Variants in ZFP64 observed in about 807,000 individuals in gnomAD.
ZFP64 encodes zinc finger protein 64.
Under a neutral mutation model 51.6 loss-of-function variants are expected in ZFP64, and 14 were observed. The observed-to-expected ratio is 0.27, with a 90% CI of 0.18 to 0.42. The LOEUF is 0.42. Among genes scored for constraint, ZFP64 ranks in the 10% least tolerant of loss-of-function variants. ZFP64 has a pLI of 1.00. For synonymous variants in ZFP64, 375 were observed against 361.4 expected, an observed-to-expected ratio of 1.04 and a Z score of -0.43; for missense variants, 754 against 906.8, an observed-to-expected ratio of 0.83 and a Z score of 2.16.
At chr20:52,097,117 A>G (rs777670551) in intron 7 of ZFP64, 1 of 758,294 alleles carries the variant, frequency 1.3e-6, no homozygotes, top group Admixed American at 1.7e-5. Context: ...CTGCCCTAAA[A>G]AAAAAAGCAC....
At chr20:52,097,488 T>C (rs2079002260) in intron 6 of ZFP64, 8 of 1,337,604 alleles carry the variant, frequency 6.0e-6, no homozygotes, top group Non-Finnish European at 8.1e-6. Flanking sequence ...AGAGTTTTGC[T>C]CTGTCGCCCA....
At chr20:52,094,823 C>T (rs1293535545) in intron 7 of ZFP64, among the ~76,000 whole-genome samples, 7 of 152,262 alleles carry the variant, frequency 4.6e-5, no homozygotes, top group Admixed American at 3.3e-4. Flanking sequence ...AAACACACAC[C>T]TCAGTATTCC....
At chr20:52,122,487 C>CAG in intron 5 of ZFP64, among the ~76,000 whole-genome samples, 1 of 121,016 alleles carries the variant, frequency 8.3e-6, no homozygotes, top group East Asian at 2.3e-4. Context: ...GCCTGGGAGA[C>CAG]AGTGAGACTC....
At chr20:52,131,795 C>T (rs139447701) in intron 5 of ZFP64, among the ~76,000 whole-genome samples, 1 of 152,248 alleles carries the variant, frequency 6.6e-6, no homozygotes, top group African/African-American at 2.4e-5. Flanking sequence ...ACCCCACTTT[C>T]AGCATTTGCC....
At chr20:52,107,776 A>C (rs112602012) in intron 5 of ZFP64, among the ~76,000 whole-genome samples, 1,732 of 152,312 alleles carry the variant, frequency 0.011, 27 homozygotes, top group African/African-American at 0.039. Context: ...TTGATGGGCA[A>C]TTGGGCCTTT....
At chr20:52,106,806 T>A (rs950669544) in intron 5 of ZFP64, among the ~76,000 whole-genome samples, 1 of 152,188 alleles carries the variant, frequency 6.6e-6, no homozygotes, top group African/African-American at 2.4e-5. Flanking sequence ...TTTGAAAATA[T>A]ATACACGTGG....
chr20:52,102,738 C>G (rs918706883), intron 5 of ZFP64, among the ~76,000 whole-genome samples: 2 of 152,278 alleles, frequency 1.3e-5, no homozygotes, highest in Non-Finnish European at 2.9e-5. Context: ...AGCTGTGTCC[C>G]ACTGGATAAG....
chr20:52,125,548 A>G (rs1979406898), intron 5 of ZFP64, among the ~76,000 whole-genome samples: 1 of 152,168 alleles, frequency 6.6e-6, no homozygotes, highest in Non-Finnish European at 1.5e-5. Flanking sequence ...ATCTCTTCCC[A>G]TAGTTTTGTG....
rs765078261 is a variant in ZFP64 at position 52,088,634 on chromosome 20, G to A, written c.986C>T (p.Pro329Leu). Residue 329 changes from proline to leucine, a missense_variant, in exon 8 of 9, where the codon CCG becomes CTG. Physicochemically the swap from Pro to Leu is moderately conservative, Grantham distance 98 (BLOSUM62 -3). Transcript: ENST00000361387. ...CTTGTCACAGAACTCACACTTGTGC[G>A]GTTTGTCTCCTTCAAACACATAAGG... The A allele has an allele frequency of 9.3e-6, 15 of 1,614,092 alleles. No homozygotes were observed. The highest frequency in any genetic ancestry group is 1.7e-5 in the Admixed American group (1 of 60,000).
At chr20:52,136,443 G>A (rs1979986993) in intron 5 of ZFP64, among the ~76,000 whole-genome samples, 1 of 152,056 alleles carries the variant, frequency 6.6e-6, no homozygotes, top group Non-Finnish European at 1.5e-5. Flanking sequence ...TTCTGGCATA[G>A]AATTCAGAAA....
At chr20:52,167,280 G>A (rs1016806268) in intron 2 of ZFP64, among the ~76,000 whole-genome samples, 4 of 151,948 alleles carry the variant, frequency 2.6e-5, no homozygotes, top group African/African-American at 7.2e-5. Context: ...AGCCAAGATC[G>A]TGCTGTTACA....
chr20:52,134,377 T>C (rs1217941638), intron 5 of ZFP64, among the ~76,000 whole-genome samples: 1 of 152,130 alleles, frequency 6.6e-6, no homozygotes, highest in Non-Finnish European at 1.5e-5. Flanking sequence ...TGAACTCAAA[T>C]TTGCAGGTGT....
chr20:52,165,636 A>T, intron 3 of ZFP64: 1 of 703,732 alleles, frequency 1.4e-6, no homozygotes, highest in Non-Finnish European at 2.5e-6. Context: ...CACGAGTTCC[A>T]CTTCAAAGGC....
At chr20:52,118,369 C>T (rs1366327655) in intron 5 of ZFP64, among the ~76,000 whole-genome samples, 2 of 152,138 alleles carry the variant, frequency 1.3e-5, no homozygotes, top group Admixed American at 6.5e-5. Flanking sequence ...TTGAAAGCTC[C>T]TGAGCTATAG....
At chr20:52,173,838 G>T (rs1266098535) in intron 2 of ZFP64, among the ~76,000 whole-genome samples, 1 of 151,800 alleles carries the variant, frequency 6.6e-6, no homozygotes, top group Admixed American at 6.6e-5. Flanking sequence ...TAGCAGAGAT[G>T]GGGGTTTCAC....
intron 5 of ZFP64, among the ~76,000 whole-genome samples, chr20:52,120,502 T>A (rs531398969): frequency 6.6e-6 from 1 of 151,742 alleles, no homozygotes; most frequent in Admixed American, 6.6e-5. Context: ...TGTTTTTTTC[T>A]TTTTTTACAA....
At chr20:52,086,602 C>T (rs867674459) in intron 8 of ZFP64, among the ~76,000 whole-genome samples, 5 of 151,836 alleles carry the variant, frequency 3.3e-5, no homozygotes, top group African/African-American at 9.7e-5. Flanking sequence ...CTCAGCCTCC[C>T]GAGTAGCTGG....
intron 5 of ZFP64, chr20:52,105,208 C>T: frequency 7.0e-7 from 1 of 1,426,046 alleles, no homozygotes; most frequent in Non-Finnish European, 9.1e-7. Context: ...AGTTGAGGTG[C>T]TGGGGCTTGG....
intron 5 of ZFP64, among the ~76,000 whole-genome samples, chr20:52,141,491 A>C (rs978310867): frequency 5.3e-5 from 8 of 152,332 alleles, no homozygotes; most frequent in Admixed American, 5.2e-4. Context: ...GATTCCAACC[A>C]TCATAAATGA....
Sources: gnomAD v4.1 joint callset for allele counts (sites outside exome capture counted in the v4.1 genomes callset) on GRCh38, gnomAD v4.1.1 for gene constraint, MANE v1.5 for transcripts, NCBI Gene and HGNC (gene_info 2026-07-23, HGNC 2026-07-21) for gene names.